Variants in ERAP1 observed in about 807,000 individuals in gnomAD.
ERAP1 encodes the protein adipocyte-derived leucine aminopeptidase.
In ERAP1, 86 loss-of-function variants were observed where a neutral mutation model predicts 103.7. The observed-to-expected ratio is 0.83, with a 90% CI of 0.70 to 0.99. ERAP1 has a LOEUF of 0.99. ERAP1 is among the 50% of genes least tolerant of loss of function. The pLI is 0.00. For missense variants in ERAP1, 1,009 were observed against 1,128.4 expected, an observed-to-expected ratio of 0.89 and a Z score of 1.52; for synonymous variants, 398 against 402.4, an observed-to-expected ratio of 0.99 and a Z score of 0.13.
the ERAP1 span, chr5:96,896,922 T>C: frequency 6.7e-7 from 1 of 1,481,772 alleles, no homozygotes; most frequent in Non-Finnish European, 9.0e-7. Context: ...AACAGAATAA[T>C]TGTGAATGTT....
At chr5:96,790,143 A>T (rs535253637) in intron 10 of ERAP1, among the ~76,000 whole-genome samples, 153 bp downstream of exon 10, 1 of 152,352 alleles carries the variant, frequency 6.6e-6, no homozygotes, top group Admixed American at 6.5e-5. Context: ...AAATTGAAAA[A>T]GATTATGAGT....
the ERAP1 span, among the ~76,000 whole-genome samples, chr5:96,815,407 G>GTTTTTTTTTTTTTTTTTTT: frequency 1.9e-5 from 2 of 105,458 alleles, no homozygotes; most frequent in Non-Finnish European, 2.1e-5. Flanking sequence ...TGTTTGTTTT[G>GTTTTTTTTTTTTTTTTTTT]TTTTTTATTT....
chr5:96,799,926 G>A (rs987446451), intron 3 of ERAP1, among the ~76,000 whole-genome samples: 3 of 152,188 alleles, frequency 2.0e-5, no homozygotes, highest in African/African-American at 7.2e-5. Context: ...ATGGTATGAA[G>A]GCAGGTAGGT....
At chr5:96,777,117 A>AAAG (rs1026953696) in intron 18 of ERAP1, among the ~76,000 whole-genome samples, 1 of 152,196 alleles carries the variant, frequency 6.6e-6, no homozygotes, top group African/African-American at 2.4e-5. Context: ...AAATCCACAT[A>AAAG]AAGTTCCCCA....
At chr5:96,896,892 T>C in the ERAP1 span, 9,927 of 1,537,004 alleles carry the variant, frequency 6.5e-3, 264 homozygotes, top group East Asian at 0.06. Context: ...AACGATAGAC[T>C]GTTATTTAAT....
Position 96,807,923 on chromosome 5 carries a change from C to A in ERAP1, c.-81G>T, listed in dbSNP as rs951265165. The stretch of plus-strand genomic sequence containing the variant: ...CACCACCACTGCCGCCGGCCTAGCT[C>A]CCCCAGGACCGAAAGTGAAAGTGGA... On this transcript the variant is annotated 5_prime_UTR_variant, in exon 1 of 19. Coordinates refer to ENST00000443439, the MANE Select transcript of ERAP1 (RefSeq NM_001040458.3). 2.0e-6 allele frequency: 2 copies of A among 985,866 alleles called. No homozygotes were observed. Among genetic ancestry groups the A allele is most frequent in the African/African-American group, 1.7e-5 (1 of 57,262 alleles). 61.1% of individuals were successfully genotyped at this position (985,866 alleles called of 1,614,324 possible). A position where few individuals can be genotyped will look rare whatever the true frequency, so the allele number is the denominator to read the frequency against.
At chr5:96,815,972 C>G in the ERAP1 span, among the ~76,000 whole-genome samples, 3 of 152,188 alleles carry the variant, frequency 2.0e-5, no homozygotes, top group East Asian at 5.8e-4. Flanking sequence ...AACTTCATGG[C>G]AAGTATAAGC....
the ERAP1 span, among the ~76,000 whole-genome samples, chr5:96,890,101 G>A: frequency 6.6e-6 from 1 of 152,118 alleles, no homozygotes; most frequent in Non-Finnish European, 1.5e-5. Flanking sequence ...TACATGAGAT[G>A]ATACTCATAG....
chr5:96,897,781 C>T, the ERAP1 span, among the ~76,000 whole-genome samples: 8 of 152,262 alleles, frequency 5.3e-5, no homozygotes, highest in South Asian at 1.5e-3. Context: ...AGAACTCATA[C>T]CTGTAATTAG....
chr5:96,852,204 C>G, the ERAP1 span, among the ~76,000 whole-genome samples: 1,530 of 152,130 alleles, frequency 0.01, 24 homozygotes, highest in African/African-American at 0.035. Flanking sequence ...AATGTTTTGG[C>G]CTTATATACT....
At chr5:96,925,956 C>T in the ERAP1 span, among the ~76,000 whole-genome samples, 1 of 149,010 alleles carries the variant, frequency 6.7e-6, no homozygotes, top group Non-Finnish European at 1.5e-5. Flanking sequence ...GCTCTGTCGC[C>T]CAGGGCTGCA....
At chr5:96,884,180 G>T in the ERAP1 span, among the ~76,000 whole-genome samples, 1 of 151,708 alleles carries the variant, frequency 6.6e-6, no homozygotes, top group South Asian at 2.1e-4. Context: ...TTTATATTTT[G>T]TGTTCATATG....
At chr5:96,850,263 CCTT>C in the ERAP1 span, among the ~76,000 whole-genome samples, 1 of 152,114 alleles carries the variant, frequency 6.6e-6, no homozygotes, top group African/African-American at 2.4e-5. Context: ...AAACTAAAAA[CCTT>C]CTGCACAGCA....
chr5:96,916,243 A>G, the ERAP1 span, among the ~76,000 whole-genome samples: 2 of 116,934 alleles, frequency 1.7e-5, no homozygotes, highest in South Asian at 5.4e-4. Context: ...AACAAAAACA[A>G]AAACAAAAAA....
intron 3 of ERAP1, among the ~76,000 whole-genome samples, chr5:96,798,195 G>T (rs1202374741): frequency 6.6e-6 from 1 of 151,834 alleles, no homozygotes; most frequent in Non-Finnish European, 1.5e-5. Flanking sequence ...CGTGGTGGCA[G>T]GTGCCTGTAG....
chr5:96,839,988 G>A, the ERAP1 span, among the ~76,000 whole-genome samples: 1 of 152,126 alleles, frequency 6.6e-6, no homozygotes, highest in African/African-American at 2.4e-5. Context: ...TGTGTAATGA[G>A]TTGTTTATTG....
chr5:96,834,648 TCAATC>T, the ERAP1 span, among the ~76,000 whole-genome samples: 6 of 152,148 alleles, frequency 3.9e-5, no homozygotes, highest in Non-Finnish European at 8.8e-5. Context: ...CAAAATAAAA[TCAATC>T]CAAATAAATG....
At chr5:96,915,374 G>C in the ERAP1 span, among the ~76,000 whole-genome samples, 4 of 152,060 alleles carry the variant, frequency 2.6e-5, no homozygotes, top group Non-Finnish European at 2.9e-5. Context: ...TTACTGACTG[G>C]AGTATGTAGT....
chr5:96,854,228 T>C, the ERAP1 span, among the ~76,000 whole-genome samples: 1 of 152,214 alleles, frequency 6.6e-6, no homozygotes, highest in African/African-American at 2.4e-5. Context: ...GAGATGATCA[T>C]GCAAAGACAC....
Sources: allele counts gnomAD v4.1 joint callset (sites outside exome capture counted in the v4.1 genomes callset), GRCh38; gene constraint gnomAD v4.1.1; transcripts MANE v1.5; gene names NCBI Gene and HGNC (gene_info 2026-07-23, HGNC 2026-07-21).